Variants in AGBL4 observed in about 807,000 individuals in gnomAD.
AGBL4 encodes the protein cytosolic carboxypeptidase 6.
In AGBL4, 58 loss-of-function variants were observed where a neutral mutation model predicts 66.4. The observed-to-expected ratio is 0.87, with a 90% CI of 0.71 to 1.09. The LOEUF (loss-of-function observed/expected upper bound fraction) is 1.09. AGBL4 is among the 50% of genes least tolerant of loss of function. AGBL4 has a pLI of 0.00. For missense variants in AGBL4, 579 were observed against 631.0 expected, an observed-to-expected ratio of 0.92 and a Z score of 0.88; for synonymous variants, 234 against 222.9, an observed-to-expected ratio of 1.05 and a Z score of -0.44.
At chr1:49,648,423 G>C (rs1488561945) in intron 3 of AGBL4, among the ~76,000 whole-genome samples, 1 of 150,562 alleles carries the variant, frequency 6.6e-6, no homozygotes, top group Non-Finnish European at 1.5e-5. Context: ...CTAGAAAAAA[G>C]ACAGAATGGA....
At chr1:49,716,642 T>C (rs761089972) in intron 2 of AGBL4, among the ~76,000 whole-genome samples, 1 of 152,102 alleles carries the variant, frequency 6.6e-6, no homozygotes, top group Non-Finnish European at 1.5e-5. Flanking sequence ...TCAATAAACA[T>C]AATCCATTAC....
At chr1:49,083,857 G>A (rs1301390611) in intron 4 of AGBL4, among the ~76,000 whole-genome samples, 2 of 152,162 alleles carry the variant, frequency 1.3e-5, no homozygotes, top group Admixed American at 1.3e-4. Context: ...ATGCTTTTAA[G>A]AGCATCCAAG....
intron 1 of AGBL4, among the ~76,000 whole-genome samples, chr1:49,908,456 C>T (rs181204319): frequency 2.2e-4 from 33 of 152,274 alleles, no homozygotes; most frequent in African/African-American, 7.5e-4. Context: ...CTCTATTGTT[C>T]CATGTGACAT....
At chr1:49,075,489 T>A (rs1401125274) in intron 4 of AGBL4, among the ~76,000 whole-genome samples, 1 of 152,202 alleles carries the variant, frequency 6.6e-6, no homozygotes, top group East Asian at 1.9e-4. Context: ...CCTGAAAATT[T>A]TTTTGTATGC....
At chr1:49,952,977 T>G (rs1250595609) in intron 1 of AGBL4, among the ~76,000 whole-genome samples, 1 of 151,958 alleles carries the variant, frequency 6.6e-6, no homozygotes, top group Non-Finnish European at 1.5e-5. Context: ...GAGATATTTC[T>G]GAAAACCAAC....
At chr1:49,394,732 A>G (rs1644919895) in intron 3 of AGBL4, among the ~76,000 whole-genome samples, 1 of 152,188 alleles carries the variant, frequency 6.6e-6, no homozygotes, top group Non-Finnish European at 1.5e-5. Flanking sequence ...GCATTGCTTA[A>G]AATTCACTAG....
At chr1:49,064,065 T>A (rs1158169476) in intron 4 of AGBL4, among the ~76,000 whole-genome samples, 2 of 152,222 alleles carry the variant, frequency 1.3e-5, no homozygotes, top group Non-Finnish European at 2.9e-5. Flanking sequence ...AAAATGGGAA[T>A]GGTAGTATTT....
At chr1:49,390,022 T>A (rs1401831837) in intron 3 of AGBL4, among the ~76,000 whole-genome samples, 1 of 152,180 alleles carries the variant, frequency 6.6e-6, no homozygotes, top group African/African-American at 2.4e-5. Context: ...ACTCTGTTTC[T>A]ATGGACCCAG....
chr1:48,546,183 C>T lies in AGBL4; in HGVS notation c.1268-6445G>A, dbSNP rs372509901. Among the ~76,000 whole-genome samples, 84 of 152,266 alleles carry T rather than the reference C, an allele frequency of 5.5e-4. 3 individuals carry two copies. In the South Asian group the frequency reaches 0.016, roughly 30 times the overall value. On this transcript the variant is annotated intron_variant, in intron 11 of 13. Transcript: ENST00000371839. The stretch of plus-strand genomic sequence containing the variant: ...AGCCCTGCAAAGTCAAAGTACAATT[C>T]GACATATATTTCACAGATGAGGAAA...
chr1:48,921,797 G>A (rs1373516751), intron 5 of AGBL4, among the ~76,000 whole-genome samples: 4 of 152,134 alleles, frequency 2.6e-5, no homozygotes, highest in Non-Finnish European at 4.4e-5. Flanking sequence ...ACTCAGATCC[G>A]TCTGGCTTCA....
At chr1:49,004,340 A>T (rs1253541773) in intron 5 of AGBL4, among the ~76,000 whole-genome samples, 1 of 152,220 alleles carries the variant, frequency 6.6e-6, no homozygotes, top group Non-Finnish European at 1.5e-5. Flanking sequence ...ATTGAGGATT[A>T]CGTATGGCAT....
chr1:49,651,512 A>G (rs2124448923), intron 3 of AGBL4, among the ~76,000 whole-genome samples: 1 of 152,258 alleles, frequency 6.6e-6, no homozygotes, highest in Middle Eastern at 3.4e-3. Flanking sequence ...AATCTTGCAG[A>G]AGATTGTGTG....
At chr1:49,744,122 T>C (rs1436299909) in intron 2 of AGBL4, among the ~76,000 whole-genome samples, 2 of 152,180 alleles carry the variant, frequency 1.3e-5, no homozygotes, top group African/African-American at 2.4e-5. Context: ...CATTTGGCTC[T>C]GTATCACCAC....
intron 3 of AGBL4, among the ~76,000 whole-genome samples, chr1:49,325,782 G>C (rs1030425965): frequency 6.6e-6 from 1 of 152,190 alleles, no homozygotes; most frequent in African/African-American, 2.4e-5. Flanking sequence ...GATTTCTCAT[G>C]AATGGTTTAG....
chr1:48,971,552 T>C lies in AGBL4; in HGVS notation c.594+74032A>G, dbSNP rs140869880. 5.7e-3 allele frequency among the ~76,000 whole-genome samples: 865 copies of C among 152,182 alleles called. 7 individuals carry two copies. Among genetic ancestry groups the C allele is most frequent in the African/African-American group, 0.02 (817 of 41,510 alleles). On this transcript the variant is annotated intron_variant, in intron 5 of 13. Transcript: ENST00000371839. ...CTTAAATAAGTCAGATATAAAAGAG[T>C]TCATACTCTTTGACTCCATTTATAT...
intron 2 of AGBL4, among the ~76,000 whole-genome samples, chr1:49,759,333 A>G (rs1652131662): frequency 6.6e-6 from 1 of 152,216 alleles, no homozygotes; most frequent in South Asian, 2.1e-4. Flanking sequence ...TGAAAAGTCC[A>G]AAGTAAGAGA....
chr1:48,784,280 G>T (rs1645361398), intron 6 of AGBL4, among the ~76,000 whole-genome samples: 1 of 152,168 alleles, frequency 6.6e-6, no homozygotes, highest in South Asian at 2.1e-4. Context: ...ATAATTATAA[G>T]AACACATATC....
chr1:49,299,714 C>T (rs1644708674), intron 3 of AGBL4, among the ~76,000 whole-genome samples: 1 of 152,084 alleles, frequency 6.6e-6, no homozygotes, highest in African/African-American at 2.4e-5. Flanking sequence ...TTTCCTTGTT[C>T]CTGATCTTGA....
intron 3 of AGBL4, among the ~76,000 whole-genome samples, chr1:49,373,729 C>T (rs1413864848): frequency 6.6e-6 from 1 of 151,972 alleles, no homozygotes; most frequent in Non-Finnish European, 1.5e-5. Context: ...GGGATTTATA[C>T]CCAATTCTGT....
Sources: allele counts gnomAD v4.1 joint callset (sites outside exome capture counted in the v4.1 genomes callset), GRCh38; gene constraint gnomAD v4.1.1; transcripts MANE v1.5; gene names NCBI Gene and HGNC (gene_info 2026-07-23, HGNC 2026-07-21).